The following NME6 variants were observed in gnomAD, a reference collection of about 807,000 sequenced individuals.
NME6 encodes the protein nucleoside diphosphate kinase 6, mitochondrial.
In NME6, 16 loss-of-function variants were observed where a neutral mutation model predicts 22.2. The ratio of observed to expected loss-of-function variants is 0.72; its 90% confidence interval spans 0.49 to 1.09. The LOEUF (loss-of-function observed/expected upper bound fraction) is 1.09, where lower values mean the gene tolerates loss of function less well. Among genes scored for constraint, NME6 ranks in the 50% least tolerant of loss-of-function variants. The probability of loss-of-function intolerance (pLI) is 0.00; values close to 1 mark genes in which losing one functional copy is unlikely to be tolerated. For synonymous variants in NME6, 58 were observed against 85.2 expected, an observed-to-expected ratio of 0.68 and a Z score of 1.76; for missense variants, 229 against 239.0, an observed-to-expected ratio of 0.96 and a Z score of 0.28.
downstream of NME6, among the ~76,000 whole-genome samples, chr3:48,289,426 G>A (rs1480231120): frequency 6.6e-6 from 1 of 152,108 alleles, no homozygotes; most frequent in African/African-American, 2.4e-5. Context: ...GGGGGTGGAT[G>A]GTGAGAGTGG....
Position 48,295,255 on chromosome 3 carries a change from A to G in NME6, c.234-20T>C. 3 of 1,601,390 alleles carry G rather than the reference A, an allele frequency of 1.9e-6. No individual in the cohort carries two copies. The highest frequency in any genetic ancestry group is 2.6e-6 in the Non-Finnish European group (3 of 1,171,114). ...GGCCCGCTGTGAACAAAACAAGCACATGTAAAGAACCTGGCCATCTAGACT... is the reference window on the plus strand; with the variant it reads ...GGCCCGCTGTGAACAAAACAAGCACGTGTAAAGAACCTGGCCATCTAGACT... On this transcript the variant is annotated intron_variant, in intron 4 of 5. Transcript: ENST00000442597.
In NME6 at chr3:48,294,623, T is replaced by C; in HGVS notation, c.*14A>G. The C allele has an allele frequency of 6.2e-7, 1 of 1,612,450 alleles. No individual in the cohort carries two copies. The highest frequency in any genetic ancestry group is 8.5e-7 in the Non-Finnish European group (1 of 1,178,786). On this transcript the variant is annotated 3_prime_UTR_variant, in exon 6 of 6. Transcript: ENST00000442597. The stretch of plus-strand genomic sequence containing the variant: ...AGAAGTCTGGGCACTACCACTGGTC[T>C]TCATAGACCTGCATCAGGCTGGTCC...
rs1334727193 is a variant in NME6, at chr3:48,296,121, G to A, written c.231C>T (p.Ala77=). Residue 77 remains alanine (A), a splice_region_variant and synonymous_variant, in exon 4 of 6, where the codon GCC becomes GCT. Transcript: ENST00000442597. The stretch of plus-strand genomic sequence containing the variant: ...TGCTGGAACCAAATTTGAAGTACCT[G>A]GCCATGAACTCCACCAGCCTCTGAT... ...FFYQRLVEFM[A]SGPIRAYILA... 1 of 1,606,770 alleles carries A rather than the reference G, an allele frequency of 6.2e-7. No homozygotes were observed. Among genetic ancestry groups the A allele is most frequent in the Non-Finnish European group, 8.5e-7 (1 of 1,173,326 alleles).
In NME6 at chr3:48,295,166, G is replaced by A; in HGVS notation, c.303C>T (p.Pro101=). ...AIQLWRTLMG[P]TRVFRARHVA... is the part of the protein sequence containing the mutation. ...CATGGCGTGCTCGGAACACTCTGGT[G>A]GGTCCCATGAGCGTCCTCCAGAGCT... The change falls in exon 5 of 6, where the codon CCC becomes CCT. Residue 101 remains proline, a synonymous_variant. Coordinates refer to ENST00000442597, the MANE Select transcript of NME6 (RefSeq NM_001308426.2). The A allele has an allele frequency of 6.2e-7, 1 of 1,614,186 alleles. No individual in the cohort carries two copies. The highest frequency in any genetic ancestry group is 8.5e-7 in the Non-Finnish European group (1 of 1,180,034).
chr3:48,301,302 T>C (rs781653933), intron 1 of NME6, 51 bp downstream of exon 1: 9 of 1,596,954 alleles, frequency 5.6e-6, no homozygotes, highest in Non-Finnish European at 7.7e-6. Flanking sequence ...CCACCCCAGA[T>C]TCTGGGTCAT....
chr3:48,289,150 C>T (rs780035640), downstream of NME6, among the ~76,000 whole-genome samples: 7 of 151,972 alleles, frequency 4.6e-5, no homozygotes, highest in South Asian at 4.1e-4. Flanking sequence ...CCGCAACCTC[C>T]GTCTCCTGGG....
At position 48,296,774 on chromosome 3, in the gene NME6, A is replaced by C; in HGVS notation, c.146T>G (p.Leu49Arg). 6.2e-7 allele frequency: 1 copy of C among 1,613,876 alleles called. No homozygotes were observed. Among genetic ancestry groups the C allele is most frequent in the Non-Finnish European group, 8.5e-7 (1 of 1,179,968 alleles). Residue 49 changes from leucine to arginine, a missense_variant, in exon 3 of 6, where the codon CTA (leucine) becomes CGA (arginine). Physicochemically the swap from Leu to Arg is moderately radical, Grantham distance 102. Transcript: ENST00000442597. ...CTGGCAATCTTCCTTTCTCCACAGT[A>C]GTTCTCTCATTCGTACAATCAGGAA... ...NKFLIVRMRE[L>R]LWRKEDCQRF...
In NME6 at chr3:48,292,419, CTT is replaced by C. The variant is rs933145423; in HGVS notation, c.*2216_*2217del. ...TTTATTGGGAGATAATTCTGTGTCT[CTT>C]GTGGGTGTCTTAATTGTCAGATTTT... is the stretch of plus-strand genomic sequence containing the variant. On this transcript the variant is annotated 3_prime_UTR_variant, in exon 6 of 6. Coordinates refer to ENST00000442597, the MANE Select transcript of NME6 (RefSeq NM_001308426.2). 6.6e-6 allele frequency: 1 copy of C among 152,142 alleles called. No homozygotes were observed. The highest frequency in any genetic ancestry group is 1.5e-5 in the Non-Finnish European group (1 of 68,014). 9.4% of individuals were successfully genotyped at this position (152,142 alleles called of 1,614,324 possible).
intron 4 of NME6, chr3:48,295,664 C>A (rs1205438857): frequency 4.1e-6 from 1 of 243,182 alleles, no homozygotes; most frequent in Non-Finnish European, 8.0e-6. Flanking sequence ...GCCTCAGCTT[C>A]CCGAGTAGTT....
intron 1 of NME6, chr3:48,299,004 G>A (rs1575328569): frequency 1.4e-6 from 1 of 702,878 alleles, no homozygotes; most frequent in East Asian, 2.7e-5. Flanking sequence ...AGCAACTGAG[G>A]TGCTACCAGG....
intron 3 of NME6, 37 bp from the exon 4 acceptor site, chr3:48,296,195 TC>T: frequency 6.2e-7 from 1 of 1,614,066 alleles, no homozygotes; most frequent in Non-Finnish European, 8.5e-7. Context: ...GATACCTTCA[TC>T]CTGGTGCCCA....
intron 4 of NME6, 171 bp from the exon 5 acceptor site, chr3:48,295,406 T>C: frequency 2.8e-6 from 2 of 708,932 alleles, no homozygotes; most frequent in Non-Finnish European, 4.6e-6. Flanking sequence ...CTGGTGTACA[T>C]CAAGCCTGCA....
chr3:48,295,413 TGCAGAGATCA>T (rs2034981380), intron 4 of NME6, 178 bp from the exon 5 acceptor site: 1 of 661,514 alleles, frequency 1.5e-6, no homozygotes, highest in South Asian at 2.2e-5. Flanking sequence ...ACATCAAGCC[TGCAGAGATCA>T]GCAGGGTGGC....
At position 48,296,074 on chromosome 3, in the gene NME6, G is replaced by C. The variant is rs377634185; in HGVS notation, c.233+45C>G. The C allele has an allele frequency of 5.6e-6, 7 of 1,246,228 alleles. No individual in the cohort carries two copies. In the East Asian group the frequency reaches 1.4e-4, roughly 25 times the overall value. 77.2% of individuals were successfully genotyped at this position (1,246,228 alleles called of 1,614,324 possible). A position where few individuals can be genotyped will look rare whatever the true frequency, so the allele number is the denominator to read the frequency against. ...AACAAATCCATTTAGGGGCAGGGGA[G>C]ATTAGCCTCAGTGGATAAAGATGCT... On this transcript the variant is annotated intron_variant, in intron 4 of 5. Coordinates refer to ENST00000442597, the MANE Select transcript of NME6 (RefSeq NM_001308426.2).
intron 2 of NME6, 161 bp downstream of exon 2, chr3:48,298,266 A>G (rs139640270): frequency 1.5e-5 from 10 of 677,310 alleles, no homozygotes; most frequent in Admixed American, 4.9e-5. Context: ...CAAGTCTCCA[A>G]TGGATTCTTA....
At chr3:48,292,076 A>AT (rs1233565616), downstream of NME6, 6 of 152,286 alleles carry the variant, frequency 3.9e-5, no homozygotes, top group African/African-American at 7.2e-5. Flanking sequence ...TCTAAACTTA[A>AT]TTATCTCCCA....
downstream of NME6, among the ~76,000 whole-genome samples, chr3:48,288,087 T>C (rs2034260145): frequency 1.3e-5 from 2 of 152,124 alleles, no homozygotes; most frequent in Admixed American, 1.3e-4. Flanking sequence ...GATTTTCTTT[T>C]TTAGCTTAAA....
Position 48,295,146 on chromosome 3 carries a change from C to A in NME6, c.323G>T (p.Arg108Leu). Residue 108 changes from arginine (R) to leucine (L), a missense_variant, in exon 5 of 6, where the codon CGC (arginine) becomes CTC (leucine). Coordinates refer to ENST00000442597, the MANE Select transcript of NME6 (RefSeq NM_001308426.2). ...LMGPTRVFRA[R>L]HVAPDSIRGS... Reference sequence around the variant, plus strand: ...ACGGATAGAATCTGGGGCCACATGGCGTGCTCGGAACACTCTGGTGGGTCC... The same window carrying A: ...ACGGATAGAATCTGGGGCCACATGGAGTGCTCGGAACACTCTGGTGGGTCC... 2 of 1,614,152 alleles carry A rather than the reference C, an allele frequency of 1.2e-6. No individual in the cohort carries two copies. The highest frequency in any genetic ancestry group is 2.2e-5 in the East Asian group (1 of 44,882).
intron 2 of NME6, 51 bp downstream of exon 2, chr3:48,298,376 A>G (rs1157991151): frequency 4.0e-6 from 6 of 1,506,838 alleles, no homozygotes; most frequent in African/African-American, 1.4e-5. Flanking sequence ...TGGCACCTGA[A>G]GCAGTAGCAA....
Sources: gnomAD v4.1 joint callset for allele counts (sites outside exome capture counted in the v4.1 genomes callset) on GRCh38, gnomAD v4.1.1 for gene constraint, MANE v1.5 for transcripts, NCBI Gene and HGNC (gene_info 2026-07-23, HGNC 2026-07-21) for gene names.